The following ERBB4 variants were observed in gnomAD, a reference collection of about 807,000 sequenced individuals.
The protein encoded by ERBB4 is erb-b2 receptor tyrosine kinase 4, also known as receptor tyrosine-protein kinase erbB-4.
A neutral mutation model predicts 158.0 loss-of-function variants in ERBB4; 42 were observed. The observed-to-expected ratio is 0.27, with a 90% CI of 0.21 to 0.34. ERBB4 has a LOEUF of 0.34. Among genes scored for constraint, ERBB4 ranks in the 10% least tolerant of loss-of-function variants. ERBB4 has a pLI of 1.00. For synonymous variants in ERBB4, 583 were observed against 558.7 expected (o/e 1.04, Z -0.61); for missense variants, 1,333 against 1,624.1 (o/e 0.82, Z 3.08).
intron 1 of ERBB4, among the ~76,000 whole-genome samples, chr2:212,389,200 T>C (rs970437814): frequency 3.3e-5 from 5 of 152,070 alleles, no homozygotes; most frequent in Non-Finnish European, 7.4e-5. Flanking sequence ...TGTAGTTACA[T>C]AATGATTATC....
At chr2:211,435,194 C>T (rs748326528) in intron 20 of ERBB4, among the ~76,000 whole-genome samples, 5 of 152,194 alleles carry the variant, frequency 3.3e-5, no homozygotes, top group Non-Finnish European at 5.9e-5. Flanking sequence ...AAAGGTCCTT[C>T]ATTATGATGC....
intron 3 of ERBB4, among the ~76,000 whole-genome samples, chr2:211,790,194 G>A (rs913354920): frequency 9.9e-5 from 15 of 151,958 alleles, no homozygotes; most frequent in Admixed American, 2.0e-4. Context: ...GCTTTCTCAT[G>A]AGACATTAGG....
chr2:211,651,974 G>A (rs1237779013), intron 16 of ERBB4, among the ~76,000 whole-genome samples: 3 of 152,116 alleles, frequency 2.0e-5, no homozygotes, highest in Non-Finnish European at 4.4e-5. Context: ...TATACTTCAA[G>A]TTCTATTTTA....
chr2:211,540,899 G>A (rs2066790261), intron 20 of ERBB4, among the ~76,000 whole-genome samples: 1 of 151,896 alleles, frequency 6.6e-6, no homozygotes, highest in South Asian at 2.1e-4. Flanking sequence ...ATAAACAAGA[G>A]TTAACTTCCT....
chr2:211,905,647 CATAT>C (rs56758130), intron 3 of ERBB4, among the ~76,000 whole-genome samples: 7,642 of 71,334 alleles, frequency 0.11, 401 homozygotes, highest in Non-Finnish European at 0.13. Context: ...TAGGAAGGAT[CATAT>C]ATATATATAT....
intron 2 of ERBB4, among the ~76,000 whole-genome samples, chr2:211,948,398 T>G (rs2080765016): frequency 8.3e-6 from 1 of 120,046 alleles, no homozygotes; most frequent in African/African-American, 3.2e-5. Flanking sequence ...ATTGCACCAC[T>G]GTACTCTAGC....
chr2:212,314,089 C>A (rs2087164660), intron 1 of ERBB4, among the ~76,000 whole-genome samples: 1 of 151,034 alleles, frequency 6.6e-6, no homozygotes, highest in Non-Finnish European at 1.5e-5. Context: ...TTTAAGTTGG[C>A]TAAATTTATC....
chr2:211,381,822 CA>C lies in ERBB4; in HGVS notation c.*1792del, dbSNP rs1482915179. ...TTCTAATTTGGTCCCAATATTTTAA[CA>C]TTAGAAATATTTTTTAAAAATCTAA... On this transcript the variant is annotated 3_prime_UTR_variant, in exon 28 of 28. Transcript: ENST00000342788. The C allele has an allele frequency of 4.4e-6, 1 of 228,366 alleles. No homozygotes were observed. Among genetic ancestry groups the C allele is most frequent in the Non-Finnish European group, 8.7e-6 (1 of 115,134 alleles). 14.1% of individuals were successfully genotyped at this position (228,366 alleles called of 1,614,324 possible).
At chr2:211,987,622 AT>A (rs2125245716) in intron 2 of ERBB4, among the ~76,000 whole-genome samples, 1 of 152,180 alleles carries the variant, frequency 6.6e-6, no homozygotes, top group East Asian at 1.9e-4. Context: ...TGGTTTCCTA[AT>A]TTTTTACATT....
chr2:211,689,952 T>A (rs1357247464), intron 12 of ERBB4, among the ~76,000 whole-genome samples: 1 of 151,108 alleles, frequency 6.6e-6, no homozygotes, highest in Non-Finnish European at 1.5e-5. Flanking sequence ...CTTTTTTTAA[T>A]ATGTTTTATC....
chr2:212,229,511 G>A (rs945063047), intron 1 of ERBB4, among the ~76,000 whole-genome samples: 11 of 152,158 alleles, frequency 7.2e-5, no homozygotes, highest in African/African-American at 2.4e-4. Context: ...GTACTAAAGG[G>A]CCAGTAAATC....
chr2:211,524,882 G>A (rs1444116671), intron 20 of ERBB4, among the ~76,000 whole-genome samples: 1 of 152,194 alleles, frequency 6.6e-6, no homozygotes, highest in Non-Finnish European at 1.5e-5. Context: ...AGCCCAGGCA[G>A]AGGAGGCGCT....
intron 20 of ERBB4, among the ~76,000 whole-genome samples, chr2:211,473,960 A>C (rs1042111229): frequency 2.6e-5 from 4 of 152,004 alleles, no homozygotes; most frequent in African/African-American, 9.7e-5. Flanking sequence ...GGTTATCGTA[A>C]ACCCATGAGC....
At chr2:211,520,955 C>T (rs978532593) in intron 20 of ERBB4, among the ~76,000 whole-genome samples, 2 of 152,096 alleles carry the variant, frequency 1.3e-5, no homozygotes, top group Non-Finnish European at 2.9e-5. Context: ...AATGTAGGTT[C>T]TAACTGCTCT....
chr2:211,527,953 AAG>A (rs1419292426), intron 20 of ERBB4, among the ~76,000 whole-genome samples: 4 of 152,002 alleles, frequency 2.6e-5, no homozygotes, highest in Admixed American at 1.3e-4. Context: ...AAAGAAGAAA[AAG>A]AAGACCACAA....
At chr2:212,148,451 G>A (rs1390821084) in intron 1 of ERBB4, among the ~76,000 whole-genome samples, 3 of 152,152 alleles carry the variant, frequency 2.0e-5, no homozygotes, top group Admixed American at 6.5e-5. Flanking sequence ...ATATAGGATG[G>A]CATTATTTCC....
chr2:211,448,341 G>T (rs141296600), intron 20 of ERBB4, among the ~76,000 whole-genome samples: 1 of 152,190 alleles, frequency 6.6e-6, no homozygotes, highest in Non-Finnish European at 1.5e-5. Context: ...CCAGCTTGAA[G>T]AAGGTGAATC....
intron 1 of ERBB4, among the ~76,000 whole-genome samples, chr2:212,427,823 T>A (rs933889968): frequency 4.3e-4 from 66 of 152,194 alleles, no homozygotes; most frequent in African/African-American, 1.6e-3. Flanking sequence ...GAAACGTGAG[T>A]GCATTAGCAG....
At chr2:212,351,016 T>A (rs1444779963) in intron 1 of ERBB4, among the ~76,000 whole-genome samples, 3 of 152,080 alleles carry the variant, frequency 2.0e-5, no homozygotes, top group African/African-American at 7.2e-5. Flanking sequence ...CTGAATCATA[T>A]CCCCCTCCAA....
Sources: allele counts gnomAD v4.1 joint callset (sites outside exome capture counted in the v4.1 genomes callset), GRCh38; gene constraint gnomAD v4.1.1; transcripts MANE v1.5; gene names NCBI Gene and HGNC (gene_info 2026-07-23, HGNC 2026-07-21).